Variants in RUNX2 observed in about 807,000 individuals in gnomAD.
RUNX2 encodes runt-related transcription factor 2.
Under a neutral mutation model 51.7 loss-of-function variants are expected in RUNX2, and 10 were observed. The ratio of observed to expected loss-of-function variants is 0.19; its 90% CI spans 0.12 to 0.33. RUNX2 has a LOEUF of 0.33. RUNX2 is among the 10% of genes least tolerant of loss of function. The pLI, the probability that RUNX2 is intolerant of heterozygous loss-of-function variation, is 1.00. For missense variants in RUNX2, 562 were observed against 691.3 expected (o/e 0.81, Z 2.10); for synonymous variants, 276 against 273.6 (o/e 1.01, Z -0.09).
At chr6:45,472,254 G>A (rs916454324) in intron 5 of RUNX2, among the ~76,000 whole-genome samples, 2 of 152,200 alleles carry the variant, frequency 1.3e-5, no homozygotes, top group African/African-American at 2.4e-5. Context: ...AGGAAAGTGA[G>A]CAGAGGGCTT....
intron 6 of RUNX2, among the ~76,000 whole-genome samples, chr6:45,497,581 G>A (rs546133973): frequency 6.6e-6 from 1 of 151,954 alleles, no homozygotes; most frequent in African/African-American, 2.4e-5. Flanking sequence ...TCAAAACTCA[G>A]ATCAAATGCT....
At chr6:45,501,235 C>T (rs926492829) in intron 6 of RUNX2, among the ~76,000 whole-genome samples, 2 of 152,204 alleles carry the variant, frequency 1.3e-5, no homozygotes, top group Non-Finnish European at 2.9e-5. Flanking sequence ...GTTAATATAT[C>T]CCAAGTTTGT....
chr6:45,354,199 T>C (rs1169861360), intron 2 of RUNX2, among the ~76,000 whole-genome samples: 2 of 152,168 alleles, frequency 1.3e-5, no homozygotes, highest in Non-Finnish European at 2.9e-5. Flanking sequence ...GATTCCATTA[T>C]ATCATTTTTA....
chr6:45,421,899 A>T (rs945334503), intron 2 of RUNX2: 9 of 152,088 alleles, frequency 5.9e-5, no homozygotes, highest in Non-Finnish European at 1.0e-4. Context: ...TGCAGGAGGG[A>T]GTGGATGCAA....
intron 7 of RUNX2, among the ~76,000 whole-genome samples, chr6:45,541,234 T>G (rs1003905356): frequency 6.6e-6 from 1 of 152,208 alleles, no homozygotes; most frequent in Non-Finnish European, 1.5e-5. Context: ...GAAAACATAT[T>G]CTTTACCATC....
intron 2 of RUNX2, among the ~76,000 whole-genome samples, chr6:45,336,204 T>C (rs1788519893): frequency 6.6e-6 from 1 of 151,450 alleles, no homozygotes; most frequent in Non-Finnish European, 1.5e-5. Context: ...AAAAACTTTT[T>C]ACCACTAGTA....
intron 6 of RUNX2, 129 bp from the exon 7 acceptor site, chr6:45,512,117 T>TTA (rs546741548): frequency 1.4e-4 from 108 of 751,000 alleles, no homozygotes; most frequent in Non-Finnish European, 2.2e-4. Flanking sequence ...TCCTTATATA[T>TTA]TATATATATA....
chr6:45,501,758 T>C (rs575296685), intron 6 of RUNX2, among the ~76,000 whole-genome samples: 1 of 152,318 alleles, frequency 6.6e-6, no homozygotes, highest in Non-Finnish European at 1.5e-5. Flanking sequence ...AGTGAGCCCA[T>C]TCTGCTTTCT....
chr6:45,408,254 C>G (rs1797878724), intron 2 of RUNX2, among the ~76,000 whole-genome samples: 1 of 151,710 alleles, frequency 6.6e-6, no homozygotes, highest in Non-Finnish European at 1.5e-5. Context: ...TTTTTATGCC[C>G]AAAGGCAATG....
At position 45,529,705 on chromosome 6, in the gene RUNX2, A is replaced by G. The variant is rs115226797; in HGVS notation, c.1022-15512A>G. On this transcript the variant is annotated intron_variant, in intron 7 of 8. Coordinates refer to ENST00000647337, the MANE Select transcript of RUNX2 (RefSeq NM_001024630.4). ...GAATTTTCTCACTAGAGTCAGAAGCAGCAGATAACAGATAACAGCCCCTGG... is the reference window on the plus strand; with the variant it reads ...GAATTTTCTCACTAGAGTCAGAAGCGGCAGATAACAGATAACAGCCCCTGG... 7.5e-3 allele frequency among the ~76,000 whole-genome samples: 1,135 copies of G among 152,322 alleles called. 10 individuals are homozygous for G. The highest frequency in any genetic ancestry group is 0.026 in the African/African-American group (1,069 of 41,566).
chr6:45,508,164 T>C (rs11759037), intron 6 of RUNX2, among the ~76,000 whole-genome samples: 1 of 151,888 alleles, frequency 6.6e-6, no homozygotes, highest in Non-Finnish European at 1.5e-5. Flanking sequence ...TTTAAAATTG[T>C]TTTTTATGCT....
At chr6:45,530,412 C>T (rs954515275) in intron 7 of RUNX2, among the ~76,000 whole-genome samples, 1 of 152,168 alleles carries the variant, frequency 6.6e-6, no homozygotes, top group African/African-American at 2.4e-5. Flanking sequence ...ACAAGTGTAA[C>T]AAGCAGGTTA....
chr6:45,493,876 T>C (rs760909631), intron 6 of RUNX2, among the ~76,000 whole-genome samples: 1 of 152,152 alleles, frequency 6.6e-6, no homozygotes, highest in Non-Finnish European at 1.5e-5. Flanking sequence ...TGGCAACCAC[T>C]GGCTTTTTAA....
At chr6:45,341,880 G>A (rs188880627) in intron 2 of RUNX2, among the ~76,000 whole-genome samples, 40 of 152,208 alleles carry the variant, frequency 2.6e-4, no homozygotes, top group Admixed American at 2.2e-3. Flanking sequence ...TTCATCAGAA[G>A]CCACTAAAAA....
intron 2 of RUNX2, among the ~76,000 whole-genome samples, chr6:45,343,085 A>G (rs1490636592): frequency 3.9e-5 from 6 of 152,220 alleles, no homozygotes; most frequent in Non-Finnish European, 8.8e-5. Context: ...GTCTACACTG[A>G]TCTGACAAAA....
At chr6:45,347,106 G>A (rs964557314) in intron 2 of RUNX2, among the ~76,000 whole-genome samples, 4 of 152,112 alleles carry the variant, frequency 2.6e-5, no homozygotes, top group African/African-American at 7.2e-5. Context: ...ATATGTGTGA[G>A]TTTACTATCA....
At chr6:45,537,154 A>G (rs1802063487) in intron 7 of RUNX2, among the ~76,000 whole-genome samples, 1 of 152,214 alleles carries the variant, frequency 6.6e-6, no homozygotes, top group East Asian at 1.9e-4. Context: ...TTTGCTTCAT[A>G]TCATTCAGAA....
intron 5 of RUNX2, among the ~76,000 whole-genome samples, chr6:45,445,959 T>C (rs1798986230): frequency 6.6e-6 from 1 of 152,054 alleles, no homozygotes; most frequent in African/African-American, 2.4e-5. Flanking sequence ...GCTGGGAAGA[T>C]AGCCAAGAAG....
At chr6:45,420,834 C>T (rs1041176214) in intron 2 of RUNX2, among the ~76,000 whole-genome samples, 20 of 152,140 alleles carry the variant, frequency 1.3e-4, no homozygotes, top group Non-Finnish European at 2.8e-4. Flanking sequence ...TGAGGCTGGT[C>T]GTAGACACCC....
Sources: allele counts gnomAD v4.1 joint callset (sites outside exome capture counted in the v4.1 genomes callset), GRCh38; gene constraint gnomAD v4.1.1; transcripts MANE v1.5; gene names NCBI Gene and HGNC (gene_info 2026-07-23, HGNC 2026-07-21).